Variants in SEMA6D observed in about 807,000 individuals in gnomAD.
The protein encoded by SEMA6D is semaphorin-6D.
A neutral mutation model predicts 106.6 loss-of-function variants in SEMA6D; 35 were observed. The observed-to-expected ratio is 0.33, with a 90% CI of 0.25 to 0.44. SEMA6D has a LOEUF of 0.44. Ranked by LOEUF, SEMA6D falls within the 20% of genes least tolerant of loss-of-function variation. The probability of loss-of-function intolerance (pLI) is 1.00; values close to 1 mark genes in which losing one functional copy is unlikely to be tolerated. For missense variants in SEMA6D, 1,185 were observed against 1,345.9 expected (o/e 0.88, Z 1.87); for synonymous variants, 499 against 487.7 (o/e 1.02, Z -0.31).
chr15:47,286,632 G>A lies in SEMA6D; in HGVS notation c.-239+102214G>A, dbSNP rs186354452. Among the ~76,000 whole-genome samples, 947 of 152,088 alleles carry A rather than the reference G, an allele frequency of 6.2e-3. 16 individuals are homozygous for A. The highest frequency in any genetic ancestry group is 0.022 in the African/African-American group (902 of 41,492). On this transcript the variant is annotated intron_variant, in intron 1 of 19. Transcript: ENST00000558014. ...ATTTTAATCTACTGCAATATGTTGTGTTATGTGAAGTACATAAAATTTGGC... is the reference window on the plus strand; with the variant it reads ...ATTTTAATCTACTGCAATATGTTGTATTATGTGAAGTACATAAAATTTGGC...
In SEMA6D at chr15:47,754,464, G is replaced by A. The variant is rs904407826; in HGVS notation, c.-54-5281G>A. 3.3e-5 allele frequency among the ~76,000 whole-genome samples: 5 copies of A among 152,130 alleles called. No homozygotes were observed. In the East Asian group the frequency reaches 9.6e-4, roughly 29 times the overall value. On this transcript the variant is annotated intron_variant, in intron 1 of 18. Transcript: ENST00000536845. Reference sequence around the variant, plus strand: ...TATTTTCTTTCAGCAACTTAAAAATGTCATTCTATGGTCTGCTGGCTTCCA... The same window carrying A: ...TATTTTCTTTCAGCAACTTAAAAATATCATTCTATGGTCTGCTGGCTTCCA...
intron 1 of SEMA6D, among the ~76,000 whole-genome samples, chr15:47,232,626 T>A (rs2032280006): frequency 6.6e-6 from 1 of 151,914 alleles, no homozygotes; most frequent in Non-Finnish European, 1.5e-5. Context: ...ATTTCTCTAA[T>A]GAATAGTAAT....
intron 3 of SEMA6D, among the ~76,000 whole-genome samples, chr15:47,480,025 T>TA (rs2043110105): frequency 8.3e-6 from 1 of 121,048 alleles, no homozygotes; most frequent in African/African-American, 4.7e-5. Flanking sequence ...ACCTGATTAA[T>TA]TTTTTTTTTT....
intron 1 of SEMA6D, among the ~76,000 whole-genome samples, chr15:47,245,695 G>T (rs1346558669): frequency 6.6e-6 from 1 of 152,154 alleles, no homozygotes; most frequent in Non-Finnish European, 1.5e-5. Context: ...GTATAGTTTG[G>T]TGTGGACAAA....
chr15:47,578,695 A>G (rs541223191), intron 3 of SEMA6D, among the ~76,000 whole-genome samples: 13 of 152,294 alleles, frequency 8.5e-5, no homozygotes, highest in African/African-American at 3.1e-4. Flanking sequence ...TAAAATTCCA[A>G]TATATTCTAC....
At chr15:47,253,654 A>G (rs987948833) in intron 1 of SEMA6D, among the ~76,000 whole-genome samples, 21 of 152,030 alleles carry the variant, frequency 1.4e-4, no homozygotes, top group Admixed American at 1.0e-3. Flanking sequence ...CCATTGTGAA[A>G]AATAATTTGG....
chr15:47,224,201 A>G (rs971066975), intron 1 of SEMA6D, among the ~76,000 whole-genome samples: 6 of 151,712 alleles, frequency 4.0e-5, no homozygotes, highest in Admixed American at 1.3e-4. Flanking sequence ...AATTTAAAAA[A>G]AAAAGAAATA....
intron 1 of SEMA6D, among the ~76,000 whole-genome samples, chr15:47,253,656 A>G (rs563516253): frequency 2.0e-5 from 3 of 152,052 alleles, no homozygotes; most frequent in Non-Finnish European, 4.4e-5. Flanking sequence ...ATTGTGAAAA[A>G]TAATTTGGCT....
intron 1 of SEMA6D, among the ~76,000 whole-genome samples, chr15:47,259,856 A>AT (rs959751812): frequency 5.5e-4 from 82 of 150,264 alleles, no homozygotes; most frequent in South Asian, 1.9e-3. Flanking sequence ...AAAGGCTGTG[A>AT]TTTTTTTTTC....
intron 4 of SEMA6D, among the ~76,000 whole-genome samples, chr15:47,669,002 A>G (rs1206859787): frequency 6.6e-6 from 1 of 152,094 alleles, no homozygotes; most frequent in East Asian, 1.9e-4. Flanking sequence ...ATTATAATGA[A>G]CACCCATATA....
chr15:47,639,123 A>T (rs987348255), intron 4 of SEMA6D, among the ~76,000 whole-genome samples: 4 of 152,158 alleles, frequency 2.6e-5, no homozygotes, highest in African/African-American at 9.7e-5. Context: ...TCAAAGGTTG[A>T]GGGCAGATCT....
chr15:47,212,921 G>T (rs1398893053), intron 1 of SEMA6D, among the ~76,000 whole-genome samples: 1 of 152,090 alleles, frequency 6.6e-6, no homozygotes, highest in Non-Finnish European at 1.5e-5. Context: ...AGAGTGCCTG[G>T]CAGATAACAC....
chr15:47,194,004 A>G (rs1894154278), intron 1 of SEMA6D, among the ~76,000 whole-genome samples: 1 of 152,164 alleles, frequency 6.6e-6, no homozygotes, highest in East Asian at 1.9e-4. Flanking sequence ...TTCCCTTAAT[A>G]CTTAACAGAG....
chr15:47,245,667 C>T (rs1595532560), intron 1 of SEMA6D, among the ~76,000 whole-genome samples: 1 of 152,166 alleles, frequency 6.6e-6, no homozygotes, highest in African/African-American at 2.4e-5. Context: ...TGCCAATTTT[C>T]TGCATGCTAA....
intron 1 of SEMA6D, among the ~76,000 whole-genome samples, chr15:47,373,952 A>T (rs1181563809): frequency 6.6e-6 from 1 of 152,032 alleles, no homozygotes; most frequent in Non-Finnish European, 1.5e-5. Context: ...TCATGGCGAA[A>T]CTCTGTTCAG....
At chr15:47,766,079 G>A in intron 14 of SEMA6D, 26 bp from the exon 15 acceptor site, 1 of 1,613,220 alleles carries the variant, frequency 6.2e-7, no homozygotes, top group South Asian at 1.1e-5. Context: ...GAAAATCCAA[G>A]TTACATTCTG....
intron 1 of SEMA6D, among the ~76,000 whole-genome samples, chr15:47,229,658 C>T (rs943585960): frequency 6.6e-6 from 1 of 152,104 alleles, no homozygotes; most frequent in African/African-American, 2.4e-5. Context: ...AAGATGTCTG[C>T]AGGACTAGCT....
chr15:47,498,964 A>G (rs1216947146), intron 3 of SEMA6D, among the ~76,000 whole-genome samples: 1 of 152,164 alleles, frequency 6.6e-6, no homozygotes, highest in Non-Finnish European at 1.5e-5. Flanking sequence ...TATTTATTGA[A>G]TGATGGTTAT....
chr15:47,475,473 T>C (rs1024782761), intron 3 of SEMA6D, among the ~76,000 whole-genome samples: 1 of 152,200 alleles, frequency 6.6e-6, no homozygotes, highest in African/African-American at 2.4e-5. Flanking sequence ...TCACTTCCTT[T>C]GTTGGCAGAT....
Sources: gnomAD v4.1 joint callset for allele counts (sites outside exome capture counted in the v4.1 genomes callset) on GRCh38, gnomAD v4.1.1 for gene constraint, MANE v1.5 for transcripts, NCBI Gene and HGNC (gene_info 2026-07-23, HGNC 2026-07-21) for gene names.